Variants in NCOA7 observed in about 807,000 individuals in gnomAD.
The protein encoded by NCOA7 is 140 kDa estrogen receptor-associated protein.
NCOA7 carries 45 observed loss-of-function variants against 104.3 expected under a neutral mutation model. The observed-to-expected ratio is 0.43, with a 90% CI of 0.34 to 0.55. The LOEUF is 0.55. Ranked by LOEUF, NCOA7 falls within the 20% of genes least tolerant of loss-of-function variation. The probability of loss-of-function intolerance (pLI) is 0.02; values close to 1 mark genes in which losing one functional copy is unlikely to be tolerated. For missense variants in NCOA7, 1,041 were observed against 1,119.7 expected (o/e 0.93, Z 1.00); for synonymous variants, 398 against 402.3 (o/e 0.99, Z 0.13).
intron 1 of NCOA7, among the ~76,000 whole-genome samples, chr6:125,814,672 C>T (rs1777413351): frequency 1.3e-5 from 2 of 152,134 alleles, no homozygotes; most frequent in Non-Finnish European, 2.9e-5. Flanking sequence ...GCTTAAGCCA[C>T]TGCTGGCAAG....
chr6:125,928,803 A>C lies in NCOA7; in HGVS notation c.*32A>C. The C allele has an allele frequency of 6.2e-7, 1 of 1,602,050 alleles. No homozygotes were observed. The highest frequency in any genetic ancestry group is 8.5e-7 in the Non-Finnish European group (1 of 1,176,006). ...GACTGCCTTAAAATATAACATTAAA[A>C]AGACTGGGTTCGATCAGCCCTCCTA... On this transcript the variant is annotated 3_prime_UTR_variant, in exon 16 of 16. Transcript: ENST00000392477.
At chr6:125,922,292 A>G (rs575021577) in intron 12 of NCOA7, among the ~76,000 whole-genome samples, 5 of 152,208 alleles carry the variant, frequency 3.3e-5, no homozygotes, top group Non-Finnish European at 5.9e-5. Flanking sequence ...TCTCAGTAGC[A>G]GTTTTGAGCC....
At chr6:125,904,284 C>T (rs1404293746) in intron 10 of NCOA7, among the ~76,000 whole-genome samples, 2 of 152,130 alleles carry the variant, frequency 1.3e-5, no homozygotes, top group East Asian at 1.9e-4. Flanking sequence ...ATCCCAGCTC[C>T]GATGCCCCTC....
intron 1 of NCOA7, among the ~76,000 whole-genome samples, chr6:125,784,889 A>G (rs1335600287): frequency 6.6e-6 from 1 of 152,202 alleles, no homozygotes; most frequent in Non-Finnish European, 1.5e-5. Flanking sequence ...GAAGAGGAAG[A>G]TCAGTATGAT....
intron 2 of NCOA7, among the ~76,000 whole-genome samples, chr6:125,823,917 ATATT>A (rs1778424352): frequency 6.6e-6 from 1 of 152,190 alleles, no homozygotes; most frequent in Admixed American, 6.5e-5. Flanking sequence ...GTAAGAATAA[ATATT>A]TGTTTATGAA....
chr6:125,889,900 A>G lies in NCOA7; in HGVS notation c.1846A>G (p.Asn616Asp), dbSNP rs985802425. The G allele has an allele frequency of 6.2e-7, 1 of 1,603,516 alleles. No homozygotes were observed. ...LDSSLESTLD[N>D]SCQGAQMDNK... is the part of the protein sequence containing the mutation. The stretch of plus-strand genomic sequence containing the variant: ...CTCCTCTTTGGAATCTACTCTGGAC[A>G]ACAGCTGTCAAGGTGCACAAATGGA... The change falls in exon 9 of 16, where the codon AAC (asparagine) becomes GAC (aspartate). Residue 616 changes from asparagine (N) to aspartate (D), a missense_variant. Transcript: ENST00000392477.
At chr6:125,920,553 G>A (rs778812059) in intron 11 of NCOA7, among the ~76,000 whole-genome samples, 9 of 152,120 alleles carry the variant, frequency 5.9e-5, no homozygotes, top group East Asian at 5.8e-4. Flanking sequence ...TGGAAAACTC[G>A]TGACTTTATT....
At chr6:125,845,681 C>A (rs1037107544) in intron 2 of NCOA7, among the ~76,000 whole-genome samples, 2 of 152,098 alleles carry the variant, frequency 1.3e-5, no homozygotes, top group African/African-American at 4.8e-5. Flanking sequence ...GCAGGAGAAT[C>A]GTGTGAACCA....
In NCOA7 at chr6:125,862,528, T is replaced by C. The variant is rs981440981; in HGVS notation, c.271+7288T>C. Among the ~76,000 whole-genome samples, 19 of 138,652 alleles carry C rather than the reference T, an allele frequency of 1.4e-4. 4 individuals are homozygous for C. The highest frequency in any genetic ancestry group is 5.4e-4 in the African/African-American group (18 of 33,432). The allele number at this position is 138,652 out of a possible 152,430, so 91.0% of individuals were successfully genotyped here. Reference sequence around the variant, plus strand: ...TTGTAGATTACCTTAAACAAATTTATGAACAAATTAGGTCATTTTGGCAGT... The same window carrying C: ...TTGTAGATTACCTTAAACAAATTTACGAACAAATTAGGTCATTTTGGCAGT... On this transcript the variant is annotated intron_variant, in intron 3 of 15. Transcript: ENST00000392477.
Position 125,822,407 on chromosome 6 carries a change from A to C in NCOA7, c.50+7003A>C, listed in dbSNP as rs182004697. ...TGTTGGAACTTTATGAAGTAATTTC[A>C]CAAGCATTCTGTTTATCCTTAAAAT... On this transcript the variant is annotated intron_variant, in intron 2 of 15. Transcript: ENST00000392477. 1.4e-4 allele frequency among the ~76,000 whole-genome samples: 21 copies of C among 152,356 alleles called. 1 individual carries two copies. The highest frequency in any genetic ancestry group is 7.2e-4 in the Admixed American group (11 of 15,304).
intron 2 of NCOA7, among the ~76,000 whole-genome samples, chr6:125,841,007 C>T (rs1232242732): frequency 6.7e-6 from 1 of 148,602 alleles, no homozygotes; most frequent in African/African-American, 2.5e-5. Context: ...ATTCTCCTGC[C>T]TGAGCCTCCC....
chr6:125,922,345 T>G (rs112110091), intron 12 of NCOA7, among the ~76,000 whole-genome samples: 9 of 152,304 alleles, frequency 5.9e-5, no homozygotes, highest in African/African-American at 2.2e-4. Context: ...ATGAACTGTT[T>G]GGTAAAAGCC....
At chr6:125,788,652 C>G (rs924686340), upstream of NCOA7, among the ~76,000 whole-genome samples, 2 of 151,230 alleles carry the variant, frequency 1.3e-5, no homozygotes, top group Non-Finnish European at 2.9e-5. Flanking sequence ...TCTCCTGCCT[C>G]AGCCTCCCAA....
intron 4 of NCOA7, chr6:125,875,514 A>G (rs1409991824): frequency 6.6e-6 from 1 of 152,324 alleles, no homozygotes; most frequent in Non-Finnish European, 1.5e-5. Context: ...CTGGTCCTCC[A>G]TGCTTGGTCG....
chr6:125,854,706 A>T (rs1179962395), intron 2 of NCOA7, among the ~76,000 whole-genome samples: 1 of 152,170 alleles, frequency 6.6e-6, no homozygotes, highest in Non-Finnish European at 1.5e-5. Flanking sequence ...ATATATTGTG[A>T]TTTTTAAAAA....
At chr6:125,821,560 T>C (rs1778186874) in intron 2 of NCOA7, among the ~76,000 whole-genome samples, 1 of 152,160 alleles carries the variant, frequency 6.6e-6, no homozygotes, top group Non-Finnish European at 1.5e-5. Context: ...TTTGGAGAAA[T>C]GCATCATAGG....
intron 3 of NCOA7, among the ~76,000 whole-genome samples, chr6:125,868,805 G>C (rs1057260943): frequency 2.6e-5 from 4 of 152,146 alleles, no homozygotes; most frequent in Non-Finnish European, 4.4e-5. Flanking sequence ...GGATGTCATA[G>C]AAACCATCCT....
Position 125,929,306 on chromosome 6 carries a change from GTTT to G in NCOA7, c.*541_*543del, listed in dbSNP as rs151292352. ...GTATATTGTCTGAAATGTGTCGGCAGTTTTTTTTCTTTTAATGTGTCAAATCTT... is the reference window on the plus strand; with the variant it reads ...GTATATTGTCTGAAATGTGTCGGCAGTTTTTCTTTTAATGTGTCAAATCTT... On this transcript the variant is annotated 3_prime_UTR_variant, in exon 16 of 16. Coordinates refer to ENST00000392477, the MANE Select transcript of NCOA7 (RefSeq NM_181782.5). 6.6e-6 allele frequency: 1 copy of G among 151,092 alleles called. No individual in the cohort carries two copies. Among genetic ancestry groups the G allele is most frequent in the Admixed American group, 6.6e-5 (1 of 15,148 alleles). 9.4% of individuals were successfully genotyped at this position (151,092 alleles called of 1,614,324 possible).
chr6:125,793,457 C>G (rs1775032266), intron 1 of NCOA7, among the ~76,000 whole-genome samples: 1 of 152,116 alleles, frequency 6.6e-6, no homozygotes, highest in Non-Finnish European at 1.5e-5. Context: ...AAGCTCTAAT[C>G]TCAGATTTGA....
Sources: gnomAD v4.1 joint callset for allele counts (sites outside exome capture counted in the v4.1 genomes callset) on GRCh38, gnomAD v4.1.1 for gene constraint, MANE v1.5 for transcripts, NCBI Gene and HGNC (gene_info 2026-07-23, HGNC 2026-07-21) for gene names.